The following CLIC5 variants were observed in gnomAD, a reference collection of about 807,000 sequenced individuals.
The protein encoded by CLIC5 is CLIC family member 5, also known as chloride intracellular channel protein 5.
Under a neutral mutation model 24.7 loss-of-function variants are expected in CLIC5, and 20 were observed. The ratio of observed to expected loss-of-function variants is 0.81; its 90% confidence interval spans 0.57 to 1.18. The LOEUF is 1.18. Ranked by LOEUF, CLIC5 falls within the 50% of genes most tolerant of loss-of-function variation. CLIC5 has a pLI of 0.00. For synonymous variants in CLIC5, 159 were observed against 135.6 expected (o/e 1.17, Z -1.20); for missense variants, 341 against 326.1 (o/e 1.05, Z -0.35).
intron 1 of CLIC5, among the ~76,000 whole-genome samples, chr6:45,973,534 T>A (rs1176864045): frequency 6.6e-6 from 1 of 152,228 alleles, no homozygotes; most frequent in Non-Finnish European, 1.5e-5. Context: ...CCAACCAACA[T>A]CCCAATATAT....
At chr6:46,101,390 G>C in the CLIC5 span, among the ~76,000 whole-genome samples, 5 of 152,144 alleles carry the variant, frequency 3.3e-5, no homozygotes, top group Non-Finnish European at 5.9e-5. Context: ...TAAATTTAAA[G>C]ACCTTAATTG....
Position 46,000,874 on chromosome 6 carries a change from T to TCG in CLIC5, c.63+14605_63+14606insCG, listed in dbSNP as rs1561995189. 2.2e-4 allele frequency among the ~76,000 whole-genome samples: 34 copies of TCG among 152,282 alleles called. No individual in the cohort carries two copies. The East Asian group carries it at 3.7e-3, about 16-fold the overall frequency. On this transcript the variant is annotated intron_variant, in intron 1 of 5. Transcript: ENST00000339561. ...GGTGGGGATGCAGAGCCAAACCATA[T>TCG]CACAGAGCCTCTTTTTCCAGCTCTT...
chr6:46,074,285 A>G (rs746247316), intron 1 of CLIC5, among the ~76,000 whole-genome samples: 9 of 152,298 alleles, frequency 5.9e-5, no homozygotes, highest in Non-Finnish European at 1.2e-4. Context: ...CATTCTAATT[A>G]TAGTATTCTA....
At chr6:46,083,869 G>A (rs922943138), upstream of CLIC5, among the ~76,000 whole-genome samples, 1 of 152,050 alleles carries the variant, frequency 6.6e-6, no homozygotes, top group African/African-American at 2.4e-5. Flanking sequence ...AATGTTGACA[G>A]TGGGGTGTTA....
At chr6:45,988,722 G>A (rs943473691) in intron 1 of CLIC5, among the ~76,000 whole-genome samples, 1 of 152,228 alleles carries the variant, frequency 6.6e-6, no homozygotes, top group African/African-American at 2.4e-5. Flanking sequence ...CACAGCATAA[G>A]CATTTTGAGA....
intron 4 of CLIC5, among the ~76,000 whole-genome samples, chr6:45,939,996 A>G (rs892699716): frequency 1.3e-5 from 2 of 152,088 alleles, no homozygotes; most frequent in Admixed American, 6.5e-5. Flanking sequence ...CTCTCTTTCT[A>G]GTTTCTTGAC....
chr6:46,107,625 A>T, the CLIC5 span, among the ~76,000 whole-genome samples: 1,303 of 152,372 alleles, frequency 8.6e-3, 70 homozygotes, highest in Admixed American at 0.079. Context: ...TTCGGTTTAA[A>T]AAAGGTTATA....
chr6:46,021,088 CAAAA>C (rs61574485), intron 1 of CLIC5, among the ~76,000 whole-genome samples: 145 of 71,924 alleles, frequency 2.0e-3, no homozygotes, highest in Admixed American at 4.7e-3. Flanking sequence ...TTTTACAACT[CAAAA>C]AAAAAAAAAA....
chr6:46,080,429 G>T, upstream of CLIC5: 1 of 587,330 alleles, frequency 1.7e-6, no homozygotes, highest in East Asian at 2.8e-5. Flanking sequence ...CAAACCACAA[G>T]TCCATTGGAC....
chr6:45,995,893 A>G lies in CLIC5; in HGVS notation c.63+19587T>C, dbSNP rs111502086. ...GACCAAATGCCATATGTTCTCACGT[A>G]TAAGTGGGAGCTGAATAATGAGAAC... On this transcript the variant is annotated intron_variant, in intron 1 of 5. Coordinates refer to ENST00000339561, the MANE Select transcript of CLIC5 (RefSeq NM_016929.5). Among the ~76,000 whole-genome samples the G allele has an allele frequency of 5.0e-3, 758 of 152,264 alleles. 5 individuals are homozygous for G. Among genetic ancestry groups the G allele is most frequent in the African/African-American group, 0.018 (729 of 41,538 alleles).
intron 2 of CLIC5, among the ~76,000 whole-genome samples, chr6:45,953,723 T>C (rs1764546249): frequency 6.6e-6 from 1 of 152,098 alleles, no homozygotes; most frequent in African/African-American, 2.4e-5. Flanking sequence ...TTAGGAATAA[T>C]AACCTTAGAA....
downstream of CLIC5, among the ~76,000 whole-genome samples, chr6:45,897,238 C>T (rs190310288): frequency 2.0e-5 from 3 of 152,332 alleles, no homozygotes; most frequent in Admixed American, 2.0e-4. Context: ...ACTTTCTTAA[C>T]AACAAGGGGA....
intron 1 of CLIC5, among the ~76,000 whole-genome samples, chr6:46,062,135 G>A (rs1000011800): frequency 6.6e-5 from 10 of 152,182 alleles, no homozygotes; most frequent in Admixed American, 2.6e-4. Flanking sequence ...AGCCACATGC[G>A]CTAATGGCTA....
intron 4 of CLIC5, among the ~76,000 whole-genome samples, chr6:45,939,539 CTAAATGCAAGA>C (rs1764058945): frequency 6.6e-6 from 1 of 152,092 alleles, no homozygotes; most frequent in Non-Finnish European, 1.5e-5. Flanking sequence ...AGGGACTACA[CTAAATGCAAGA>C]TGATCTCATC....
chr6:46,051,445 G>A, intron 1 of CLIC5, among the ~76,000 whole-genome samples: 1 of 152,288 alleles, frequency 6.6e-6, no homozygotes, highest in Non-Finnish European at 1.5e-5. Context: ...TGTTTCTCTA[G>A]CTCAAGTCTT....
upstream of CLIC5, among the ~76,000 whole-genome samples, chr6:46,019,861 C>G (rs1222379678): frequency 6.6e-6 from 1 of 151,188 alleles, no homozygotes; most frequent in East Asian, 1.9e-4. Flanking sequence ...AGCCAGCTCA[C>G]CAAGAAGATA....
intron 1 of CLIC5, among the ~76,000 whole-genome samples, chr6:45,986,544 T>G (rs554394095): frequency 6.6e-6 from 1 of 152,342 alleles, no homozygotes; most frequent in East Asian, 1.9e-4. Context: ...AAGGGCCACT[T>G]TGGGGTCAAG....
intron 2 of CLIC5, among the ~76,000 whole-genome samples, chr6:45,953,841 T>C (rs1339394452): frequency 6.6e-6 from 1 of 152,086 alleles, no homozygotes; most frequent in Admixed American, 6.6e-5. Flanking sequence ...GTGGTGAGAC[T>C]TGAACCAGTT....
At chr6:45,988,270 A>G (rs1280308546) in intron 1 of CLIC5, among the ~76,000 whole-genome samples, 1 of 152,226 alleles carries the variant, frequency 6.6e-6, no homozygotes, top group Non-Finnish European at 1.5e-5. Flanking sequence ...GGCAAATTTT[A>G]TTAGATCTTA....
Sources: gnomAD v4.1 joint callset for allele counts (sites outside exome capture counted in the v4.1 genomes callset) on GRCh38, gnomAD v4.1.1 for gene constraint, MANE v1.5 for transcripts, NCBI Gene and HGNC (gene_info 2026-07-23, HGNC 2026-07-21) for gene names.